The following PSD3 variants were observed in gnomAD, a reference collection of about 807,000 sequenced individuals.
PSD3 encodes the protein pleckstrin and Sec7 domain containing 3, also known as PH and SEC7 domain-containing protein 3.
PSD3 carries 49 observed loss-of-function variants against 105.5 expected under a neutral mutation model. That is an observed-to-expected ratio of 0.46 (90% CI 0.37 to 0.59). The LOEUF is 0.59. PSD3 is among the 20% of genes least tolerant of loss of function. The pLI, the probability that PSD3 is intolerant of heterozygous loss-of-function variation, is 0.00. For synonymous variants in PSD3, 557 were observed against 457.8 expected, an observed-to-expected ratio of 1.22 and a Z score of -2.77; for missense variants, 1,561 against 1,263.8, an observed-to-expected ratio of 1.24 and a Z score of -3.57.
rs1419987561 is a variant in PSD3 at position 18,879,874 on chromosome 8, C to T, written c.131-7141G>A. Among the ~76,000 whole-genome samples the T allele has an allele frequency of 4.6e-5, 7 of 152,072 alleles. No individual in the cohort carries two copies. In the East Asian group the frequency reaches 7.7e-4, roughly 17 times the overall value. On this transcript the variant is annotated intron_variant, in intron 2 of 15. Transcript: ENST00000327040. Reference sequence around the variant, plus strand: ...TTGGCCTCCCAAAGTGCTGGGATTACGGCGTGAACTAACGCATTTAGCCAA... The same window carrying T: ...TTGGCCTCCCAAAGTGCTGGGATTATGGCGTGAACTAACGCATTTAGCCAA...
intron 1 of PSD3, among the ~76,000 whole-genome samples, chr8:18,953,876 CT>C (rs1213370185): frequency 1.3e-5 from 2 of 151,934 alleles, no homozygotes; most frequent in African/African-American, 4.8e-5. Flanking sequence ...AAAAAACAAA[CT>C]GAAAAAAATA....
At chr8:18,813,762 C>A (rs1811925678) in intron 4 of PSD3, among the ~76,000 whole-genome samples, 1 of 152,068 alleles carries the variant, frequency 6.6e-6, no homozygotes, top group African/African-American at 2.4e-5. Flanking sequence ...TGTCTGTAAC[C>A]CTTAAGGTTT....
At chr8:19,008,677 T>C (rs1359988334) in intron 1 of PSD3, among the ~76,000 whole-genome samples, 4 of 150,088 alleles carry the variant, frequency 2.7e-5, no homozygotes, top group African/African-American at 7.3e-5. Flanking sequence ...CTACAGCTGC[T>C]TCTATTAAAA....
chr8:18,859,224 CTTTTT>C (rs35179243), intron 4 of PSD3, among the ~76,000 whole-genome samples: 5 of 130,356 alleles, frequency 3.8e-5, no homozygotes, highest in Admixed American at 7.7e-5. Context: ...CAAAGAAATC[CTTTTT>C]TTTTTTTTTT....
rs560930275 is a variant in PSD3 at position 18,984,978 on chromosome 8, G to A, written c.21+28585C>T. Among the ~76,000 whole-genome samples, 8 of 152,298 alleles carry A rather than the reference G, an allele frequency of 5.3e-5. No homozygotes were observed. In the South Asian group the frequency reaches 1.5e-3, roughly 28 times the overall value. On this transcript the variant is annotated intron_variant, in intron 1 of 15. Transcript: ENST00000327040. ...GGACAGAGTCTCACTCTGTTGCCCA[G>A]GCTGGAGTACGGTAGCGTCATCTTG...
intron 12 of PSD3, among the ~76,000 whole-genome samples, chr8:18,588,735 A>G (rs1340155910): frequency 6.6e-6 from 1 of 152,186 alleles, no homozygotes; most frequent in Non-Finnish European, 1.5e-5. Flanking sequence ...CAAAGTTTAC[A>G]AAGTTGTTCC....
chr8:18,644,662 G>A (rs377309108), intron 10 of PSD3, among the ~76,000 whole-genome samples: 17 of 152,202 alleles, frequency 1.1e-4, no homozygotes, highest in African/African-American at 2.4e-4. Flanking sequence ...ACAATGCTCC[G>A]TTTGCAGCAG....
chr8:18,716,369 G>A (rs933970475), intron 9 of PSD3, among the ~76,000 whole-genome samples: 1 of 152,132 alleles, frequency 6.6e-6, no homozygotes, highest in South Asian at 2.1e-4. Flanking sequence ...CTCTGCAGTG[G>A]AATAAATGGA....
chr8:19,041,915 A>G (rs1828137488), intron 1 of PSD3, among the ~76,000 whole-genome samples: 1 of 152,222 alleles, frequency 6.6e-6, no homozygotes. Flanking sequence ...TGAAAAGGGG[A>G]GACAAGACGA....
At chr8:19,049,862 C>A (rs1828458543) in intron 1 of PSD3, among the ~76,000 whole-genome samples, 1 of 152,164 alleles carries the variant, frequency 6.6e-6, no homozygotes. Flanking sequence ...GATTCCCTGA[C>A]TGGAATCCCA....
chr8:18,691,854 C>T (rs567484314), intron 9 of PSD3, among the ~76,000 whole-genome samples: 1 of 152,236 alleles, frequency 6.6e-6, no homozygotes, highest in Non-Finnish European at 1.5e-5. Context: ...AAAACAATGC[C>T]AGTCGAAGTA....
At chr8:18,554,915 T>G (rs1434588985) in intron 15 of PSD3, among the ~76,000 whole-genome samples, 1 of 152,004 alleles carries the variant, frequency 6.6e-6, no homozygotes, top group Non-Finnish European at 1.5e-5. Flanking sequence ...GGAAAGTAAG[T>G]GAACAAAGGT....
chr8:18,867,969 T>C lies in PSD3; in HGVS notation c.1339A>G (p.Thr447Ala), dbSNP rs759192173. 1.2e-6 allele frequency: 2 copies of C among 1,614,104 alleles called. No homozygotes were observed. The highest frequency in any genetic ancestry group is 2.2e-5 in the South Asian group (2 of 91,070). The stretch of plus-strand genomic sequence containing the variant: ...TATAAAGAAGTGTTGTCCAAAATGG[T>C]TTCAAACTGGGAGCTGTACACGTCG... ...STDVYSSQFE[T>A]ILDNTSLYYS... The change falls in exon 4 of 16, where the codon ACC (threonine) becomes GCC (alanine). Residue 447 changes from threonine (T) to alanine (A), a missense_variant. By Grantham distance (58) the Thr-to-Ala change is moderately conservative (BLOSUM62 0). Coordinates refer to ENST00000327040, the MANE Select transcript of PSD3 (RefSeq NM_015310.4).
chr8:18,809,845 T>C (rs571517266), intron 4 of PSD3, among the ~76,000 whole-genome samples: 1 of 151,446 alleles, frequency 6.6e-6, no homozygotes, highest in South Asian at 2.1e-4. Flanking sequence ...TCTAACGTCC[T>C]CTAAATACAA....
intron 15 of PSD3, among the ~76,000 whole-genome samples, chr8:18,536,885 C>T (rs565332294): frequency 1.5e-4 from 23 of 152,260 alleles, no homozygotes; most frequent in African/African-American, 2.4e-4. Flanking sequence ...CCTGCCTCAA[C>T]GCATGAAGAA....
At chr8:18,848,417 G>T (rs1254563446) in intron 4 of PSD3, among the ~76,000 whole-genome samples, 2 of 152,176 alleles carry the variant, frequency 1.3e-5, no homozygotes, top group African/African-American at 4.8e-5. Flanking sequence ...TGGTCCCCTG[G>T]TTGCATGGCC....
chr8:18,590,542 A>C (rs915071922), intron 12 of PSD3, among the ~76,000 whole-genome samples: 1 of 152,202 alleles, frequency 6.6e-6, no homozygotes, highest in Non-Finnish European at 1.5e-5. Flanking sequence ...GACATTAGGT[A>C]TAATCTTTCT....
intron 1 of PSD3, among the ~76,000 whole-genome samples, chr8:19,080,585 T>G (rs1238671830): frequency 6.6e-6 from 1 of 152,168 alleles, no homozygotes; most frequent in African/African-American, 2.4e-5. Flanking sequence ...GATGTCCCAG[T>G]GCCTGTCTCC....
Position 18,905,409 on chromosome 8 carries a change from C to T in PSD3, c.130+30625G>A, listed in dbSNP as rs1013113209. Reference sequence around the variant, plus strand: ...CGCGATCTCAGCTCACTGTAACCTCCACCTCCCAGGTTCAAGCAATTCTCC... The same window carrying T: ...CGCGATCTCAGCTCACTGTAACCTCTACCTCCCAGGTTCAAGCAATTCTCC... On this transcript the variant is annotated intron_variant, in intron 2 of 15. Coordinates refer to ENST00000327040, the MANE Select transcript of PSD3 (RefSeq NM_015310.4). 8.5e-5 allele frequency among the ~76,000 whole-genome samples: 13 copies of T among 152,242 alleles called. 1 individual carries two copies. In the South Asian group the frequency reaches 1.7e-3, roughly 19 times the overall value.
Sources: gnomAD v4.1 joint callset for allele counts (sites outside exome capture counted in the v4.1 genomes callset) on GRCh38, gnomAD v4.1.1 for gene constraint, MANE v1.5 for transcripts, NCBI Gene and HGNC (gene_info 2026-07-23, HGNC 2026-07-21) for gene names.